PDIA5: variants seen among roughly 807,000 people sequenced by gnomAD.
PDIA5 encodes protein disulfide isomerase family A member 5, also known as protein disulfide-isomerase A5.
A neutral mutation model predicts 77.6 loss-of-function variants in PDIA5; 58 were observed. That is an observed-to-expected ratio of 0.75 (90% CI 0.61 to 0.93). The LOEUF is 0.93. PDIA5 is among the 40% of genes least tolerant of loss of function. The probability of loss-of-function intolerance (pLI) is 0.00; values close to 1 mark genes in which losing one functional copy is unlikely to be tolerated. For missense variants in PDIA5, 630 were observed against 647.7 expected (o/e 0.97, Z 0.30); for synonymous variants, 250 against 252.1 (o/e 0.99, Z 0.08).
chr3:123,083,631 C>G (rs770601294), intron 1 of PDIA5, among the ~76,000 whole-genome samples: 1 of 152,176 alleles, frequency 6.6e-6, no homozygotes, highest in Non-Finnish European at 1.5e-5. Flanking sequence ...ACCCTGGCTG[C>G]CTTTGGAAGC....
At chr3:123,114,040 C>T (rs1297442134) in intron 7 of PDIA5, among the ~76,000 whole-genome samples, 1 of 152,186 alleles carries the variant, frequency 6.6e-6, no homozygotes, top group East Asian at 1.9e-4. Context: ...ACTCCTCCTG[C>T]ATCACCTCTC....
At position 123,124,100 on chromosome 3, in the gene PDIA5, T is replaced by C. The variant is rs1174956939; in HGVS notation, c.644T>C (p.Phe215Ser). Reference protein sequence around the residue: ...LAGMNVYSSEFENIKEEYSVR... With the variant: ...LAGMNVYSSESENIKEEYSVR... ...GGGATGAATGTCTACTCCTCTGAAT[T>C]TGAAAACATCAAGGAGGAGTACAGC... Residue 215 changes from phenylalanine to serine, a missense_variant, in exon 9 of 17, where the codon TTT becomes TCT. Transcript: ENST00000316218. 1.1e-5 allele frequency: 18 copies of C among 1,614,020 alleles called. No homozygotes were observed. The highest frequency in any genetic ancestry group is 1.5e-5 in the Non-Finnish European group (18 of 1,179,996).
intron 6 of PDIA5, among the ~76,000 whole-genome samples, chr3:123,110,581 G>T (rs1046040853): frequency 6.6e-6 from 1 of 152,174 alleles, no homozygotes; most frequent in Non-Finnish European, 1.5e-5. Flanking sequence ...GACAAAAACC[G>T]CTCTTTGCCA....
chr3:123,088,908 G>A (rs1351047609), intron 1 of PDIA5, among the ~76,000 whole-genome samples: 5 of 152,070 alleles, frequency 3.3e-5, no homozygotes, highest in East Asian at 3.8e-4. Context: ...CTGTGGATGC[G>A]GAACCTGCGA....
intron 11 of PDIA5, among the ~76,000 whole-genome samples, chr3:123,133,451 C>T (rs1206913062): frequency 1.3e-5 from 2 of 152,194 alleles, no homozygotes; most frequent in Admixed American, 1.3e-4. Context: ...CTGAATGCGC[C>T]GCTTGGTTTG....
Position 123,102,770 on chromosome 3 carries a change from G to A in PDIA5, c.361G>A (p.Glu121Lys). 1 of 1,610,442 alleles carries A rather than the reference G, an allele frequency of 6.2e-7. No individual in the cohort carries two copies. The highest frequency in any genetic ancestry group is 8.5e-7 in the Non-Finnish European group (1 of 1,176,580). The change falls in exon 5 of 17, where the codon GAA becomes AAA. Residue 121 changes from glutamate (E) to lysine (K), a missense_variant. Transcript: ENST00000316218. ...FHYQDGAFHTEYNRAVTFKSI... is the reference protein window; with the variant it reads ...FHYQDGAFHTKYNRAVTFKSI... ...TGACAGGGATGGTGCATTTCATACT[G>A]AATATAACCGAGCTGTGACATTTAA...
intron 14 of PDIA5, among the ~76,000 whole-genome samples, chr3:123,152,060 C>T (rs1217497448): frequency 6.8e-5 from 9 of 132,928 alleles, no homozygotes; most frequent in African/African-American, 1.5e-4. Context: ...TGCCTTCCTT[C>T]CTGCCTGCCT....
At chr3:123,098,591 T>A (rs1560511849) in intron 3 of PDIA5, among the ~76,000 whole-genome samples, 1 of 151,918 alleles carries the variant, frequency 6.6e-6, no homozygotes, top group Admixed American at 6.6e-5. Flanking sequence ...GGGAGGGAAG[T>A]GTGTACAGGC....
chr3:123,075,829 C>A (rs143376135), intron 1 of PDIA5, among the ~76,000 whole-genome samples: 20,251 of 152,106 alleles, frequency 0.13, 1,568 homozygotes, highest in Non-Finnish European at 0.18. Flanking sequence ...CCCAGAATAC[C>A]GAGCTCTGCG....
In PDIA5 at chr3:123,155,183, C is replaced by A. The variant is rs111932960; in HGVS notation, c.1344+142C>A. The stretch of plus-strand genomic sequence containing the variant: ...AATTCCTTGGGAACCAGGACATTCT[C>A]TTTAGAAGGAAGATAGGGCAGGCTG... On this transcript the variant is annotated intron_variant, in intron 15 of 16. Coordinates refer to ENST00000316218, the MANE Select transcript of PDIA5 (RefSeq NM_006810.4). The A allele has an allele frequency of 9.8e-5, 66 of 671,576 alleles. 1 individual carries two copies. In the African/African-American group the frequency reaches 1.0e-3, roughly 11 times the overall value. The allele number at this position is 671,576 out of a possible 1,614,324, so 41.6% of individuals were successfully genotyped here. A position where few individuals can be genotyped will look rare whatever the true frequency, so the allele number is the denominator to read the frequency against.
chr3:123,110,910 TGCGA>T (rs1283519805), intron 6 of PDIA5, 30 bp from the exon 7 acceptor site: 2 of 1,573,408 alleles, frequency 1.3e-6, no homozygotes, highest in Non-Finnish European at 1.7e-6. Context: ...CTGTGTTGTG[TGCGA>T]GCTGCTGGTA....
chr3:123,110,998 G>A lies in PDIA5; in HGVS notation c.535G>A (p.Ala179Thr), dbSNP rs1560522613. The change falls in exon 7 of 17, where the codon GCC (alanine) becomes ACC (threonine). Residue 179 changes from alanine to threonine, a missense_variant. Coordinates refer to ENST00000316218, the MANE Select transcript of PDIA5 (RefSeq NM_006810.4). ...EEKPLLIMFY[A>T]PWCSMCKRMM... ...GAAGCCGCTCCTGATCATGTTTTATGCCCCCTGTGAGTGAACTTTCTCCCT... is the reference window on the plus strand; with the variant it reads ...GAAGCCGCTCCTGATCATGTTTTATACCCCCTGTGAGTGAACTTTCTCCCT... The A allele has an allele frequency of 6.2e-7, 1 of 1,612,258 alleles. No homozygotes were observed. The highest frequency in any genetic ancestry group is 8.5e-7 in the Non-Finnish European group (1 of 1,179,000).
At chr3:123,081,378 C>T (rs148646458) in intron 1 of PDIA5, among the ~76,000 whole-genome samples, 49 of 152,290 alleles carry the variant, frequency 3.2e-4, no homozygotes, top group African/African-American at 1.2e-3. Context: ...GTGTTCTTTC[C>T]GCCAAACCAC....
intron 8 of PDIA5, among the ~76,000 whole-genome samples, chr3:123,121,017 C>T (rs985941592): frequency 5.3e-5 from 8 of 152,182 alleles, no homozygotes; most frequent in African/African-American, 1.7e-4. Flanking sequence ...TAGAAACCCT[C>T]GGGAGCTCTC....
chr3:123,073,906 A>G (rs916295657), intron 1 of PDIA5, among the ~76,000 whole-genome samples: 24 of 152,210 alleles, frequency 1.6e-4, no homozygotes, highest in Non-Finnish European at 5.9e-5. Context: ...TGAGGGTTGT[A>G]AACTGGGGCT....
At chr3:123,130,663 G>A in intron 11 of PDIA5, 47 bp downstream of exon 11, 1 of 1,599,500 alleles carries the variant, frequency 6.3e-7, no homozygotes, top group Non-Finnish European at 8.6e-7. Flanking sequence ...CCCTCTCTCA[G>A]AGTAGGATGA....
rs1214526178 is a variant in PDIA5 at position 123,107,213 on chromosome 3, A to T, written c.480+372A>T. 5.9e-5 allele frequency among the ~76,000 whole-genome samples: 9 copies of T among 152,304 alleles called. No individual in the cohort carries two copies. In the East Asian group the frequency reaches 1.5e-3, roughly 26 times the overall value. On this transcript the variant is annotated intron_variant, in intron 6 of 16. Transcript: ENST00000316218. ...TGTTTTTGTTTTGTTTTTTTAAAGA[A>T]TAACCTTAGAGATTTGGGTTAGATT...
At chr3:123,097,647 A>T (rs1251245739) in intron 3 of PDIA5, among the ~76,000 whole-genome samples, 1 of 152,056 alleles carries the variant, frequency 6.6e-6, no homozygotes, top group Non-Finnish European at 1.5e-5. Context: ...GGTACTTGGC[A>T]TCAGGCAGTC....
At chr3:123,158,651 G>T (rs999306324) in intron 15 of PDIA5, among the ~76,000 whole-genome samples, 1 of 152,258 alleles carries the variant, frequency 6.6e-6, no homozygotes, top group Non-Finnish European at 1.5e-5. Context: ...CTTACGTCCA[G>T]CTCCTTGAGG....
Sources: gnomAD v4.1 joint callset for allele counts (sites outside exome capture counted in the v4.1 genomes callset) on GRCh38, gnomAD v4.1.1 for gene constraint, MANE v1.5 for transcripts, NCBI Gene and HGNC (gene_info 2026-07-23, HGNC 2026-07-21) for gene names.